The following TAMM41 variants were observed in gnomAD, a reference collection of about 807,000 sequenced individuals.
TAMM41 encodes the protein TAM41 mitochondrial translocator assembly and maintenance homolog.
TAMM41 carries 36 observed loss-of-function variants against 44.1 expected under a neutral mutation model. The observed-to-expected ratio is 0.82, with a 90% CI of 0.63 to 1.08. The LOEUF (loss-of-function observed/expected upper bound fraction) is 1.08, where lower values mean the gene tolerates loss of function less well. Ranked by LOEUF, TAMM41 falls within the 50% of genes least tolerant of loss-of-function variation. The pLI, the probability that TAMM41 is intolerant of heterozygous loss-of-function variation, is 0.00. For synonymous variants in TAMM41, 164 were observed against 153.1 expected (o/e 1.07, Z -0.53); for missense variants, 417 against 404.3 (o/e 1.03, Z -0.27).
the TAMM41 span, among the ~76,000 whole-genome samples, chr3:11,736,587 A>T: frequency 6.6e-6 from 1 of 152,154 alleles, no homozygotes; most frequent in Non-Finnish European, 1.5e-5. Context: ...AATACCAAGG[A>T]TGGCGTCTGG....
chr3:11,825,190 A>C (rs896036399), intron 4 of TAMM41, among the ~76,000 whole-genome samples: 10 of 152,240 alleles, frequency 6.6e-5, no homozygotes, highest in Non-Finnish European at 1.5e-4. Context: ...AGTATCCTCA[A>C]ATGAAAAAGG....
chr3:11,796,371 GAAT>G (rs2124922801), intron 7 of TAMM41, among the ~76,000 whole-genome samples: 1 of 152,278 alleles, frequency 6.6e-6, no homozygotes, highest in Admixed American at 6.5e-5. Context: ...ACAGAAGAGA[GAAT>G]AACATACCAT....
At chr3:11,743,463 A>ATAG in the TAMM41 span, among the ~76,000 whole-genome samples, 1 of 151,316 alleles carries the variant, frequency 6.6e-6, no homozygotes, top group Non-Finnish European at 1.5e-5. Context: ...CCTCCCAATT[A>ATAG]GCTGGGATTA....
chr3:11,722,879 G>A, the TAMM41 span, among the ~76,000 whole-genome samples: 3 of 152,208 alleles, frequency 2.0e-5, no homozygotes, highest in Non-Finnish European at 2.9e-5. Flanking sequence ...TGAGTCAGGA[G>A]AATTGTTTGA....
rs995385713 is a variant in TAMM41 at position 11,817,390 on chromosome 3, A to T, written c.563-53T>A. The T allele has an allele frequency of 1.9e-5, 30 of 1,562,202 alleles. No homozygotes were observed. In the African/African-American group the frequency reaches 2.6e-4, roughly 13 times the overall value. The stretch of plus-strand genomic sequence containing the variant: ...CTTCCATTAAGAATCCACACTCTCG[A>T]CCTATGAACGACGCTCCCCACACTG... On this transcript the variant is annotated intron_variant, in intron 4 of 7. Transcript: ENST00000455809.
the TAMM41 span, among the ~76,000 whole-genome samples, chr3:11,732,995 T>TG: frequency 1.9e-5 from 2 of 105,588 alleles, no homozygotes; most frequent in East Asian, 3.4e-4. Flanking sequence ...TTGAGTTTTT[T>TG]TTTTGTTTGT....
chr3:11,840,010 G>T (rs1575721882), intron 2 of TAMM41, among the ~76,000 whole-genome samples: 1 of 151,760 alleles, frequency 6.6e-6, no homozygotes, highest in East Asian at 1.9e-4. Flanking sequence ...ACACTCAATT[G>T]GTCCTGTTGC....
intron 3 of TAMM41, chr3:11,830,840 C>G (rs1322751804): frequency 6.7e-6 from 1 of 149,224 alleles, no homozygotes; most frequent in African/African-American, 2.5e-5. Flanking sequence ...ATGATCATGA[C>G]ACTACACTCC....
At chr3:11,771,583 T>C in the TAMM41 span, among the ~76,000 whole-genome samples, 1 of 152,186 alleles carries the variant, frequency 6.6e-6, no homozygotes, top group South Asian at 2.1e-4. Context: ...GTTTTTGAGA[T>C]GGATTATTTA....
At chr3:11,767,623 T>C in the TAMM41 span, among the ~76,000 whole-genome samples, 1 of 118,036 alleles carries the variant, frequency 8.5e-6, no homozygotes. Flanking sequence ...CAACACGTTG[T>C]GCATTTTTTT....
chr3:11,796,640 T>C (rs1265001060), intron 7 of TAMM41, among the ~76,000 whole-genome samples: 1 of 152,088 alleles, frequency 6.6e-6, no homozygotes, highest in Non-Finnish European at 1.5e-5. Flanking sequence ...ACAGATGACA[T>C]ACGAGCTGGC....
chr3:11,787,823 C>G (rs2077425898), downstream of TAMM41, among the ~76,000 whole-genome samples: 1 of 152,140 alleles, frequency 6.6e-6, no homozygotes, highest in Admixed American at 6.5e-5. Flanking sequence ...AGGTGTGACA[C>G]CAAAGTACAT....
Position 11,790,541 on chromosome 3 carries a change from G to T in TAMM41, c.978C>A (p.His326Gln). 1 of 1,614,082 alleles carries T rather than the reference G, an allele frequency of 6.2e-7. No homozygotes were observed. Among genetic ancestry groups the T allele is most frequent in the Non-Finnish European group, 8.5e-7 (1 of 1,179,992 alleles). Reference sequence around the variant, plus strand: ...TCCTCAGCCACCCTTTCCACATTTTGTGCAGTTTTAGTGAACTATAAATCA... The same window carrying T: ...TCCTCAGCCACCCTTTCCACATTTTTTGCAGTTTTAGTGAACTATAAATCA... ...KSVIYSSLKL[H>Q]KMWKGWLRKT... Residue 326 changes from histidine (H) to glutamine (Q), a missense_variant, in exon 8 of 8, where the codon CAC becomes CAA. His to Gln is a conservative substitution (Grantham distance 24). Transcript: ENST00000455809.
the TAMM41 span, among the ~76,000 whole-genome samples, chr3:11,761,975 GAAAAGAAA>G: frequency 2.1e-5 from 3 of 144,444 alleles, no homozygotes; most frequent in South Asian, 2.3e-4. Flanking sequence ...AAGAAAGAAA[GAAAAGAAA>G]AAAAGAAAAA....
At chr3:11,810,231 C>A (rs1347957242) in intron 5 of TAMM41, among the ~76,000 whole-genome samples, 1 of 152,188 alleles carries the variant, frequency 6.6e-6, no homozygotes, top group African/African-American at 2.4e-5. Context: ...TAATCCCCAG[C>A]ACACAGTAGG....
At chr3:11,812,242 G>C (rs116001513) in intron 5 of TAMM41, among the ~76,000 whole-genome samples, 3 of 152,024 alleles carry the variant, frequency 2.0e-5, no homozygotes, top group African/African-American at 4.8e-5. Flanking sequence ...GGCCAAAAGA[G>C]TAAAGAAAAA....
chr3:11,815,699 A>G (rs2078250990), intron 5 of TAMM41, among the ~76,000 whole-genome samples: 1 of 152,030 alleles, frequency 6.6e-6, no homozygotes, highest in South Asian at 2.1e-4. Context: ...TGTAATTGGT[A>G]TAAGAATTGA....
At chr3:11,786,286 TTTA>T (rs60089566), downstream of TAMM41, among the ~76,000 whole-genome samples, 2,039 of 138,776 alleles carry the variant, frequency 0.015, 20 homozygotes, top group Middle Eastern at 0.047. Context: ...TTTATTTAAT[TTTA>T]TTATTATTAT....
intron 4 of TAMM41, among the ~76,000 whole-genome samples, chr3:11,823,184 G>A (rs974229722): frequency 3.3e-5 from 5 of 151,710 alleles, no homozygotes; most frequent in East Asian, 1.9e-4. Flanking sequence ...CTTTTCTGAA[G>A]AAATGGCTAT....
Sources: gnomAD v4.1 joint callset for allele counts (sites outside exome capture counted in the v4.1 genomes callset) on GRCh38, gnomAD v4.1.1 for gene constraint, MANE v1.5 for transcripts, NCBI Gene and HGNC (gene_info 2026-07-23, HGNC 2026-07-21) for gene names.